The following TSC22D1 variants were observed in gnomAD, a reference collection of about 807,000 sequenced individuals.
TSC22D1 encodes the protein TSC22 domain family member 1.
In TSC22D1, 9 loss-of-function variants were observed where a neutral mutation model predicts 74.2. The observed-to-expected ratio is 0.12, with a 90% CI of 0.07 to 0.21. The LOEUF (loss-of-function observed/expected upper bound fraction) is 0.21. Among genes scored for constraint, TSC22D1 ranks in the 10% least tolerant of loss-of-function variants. The pLI, the probability that TSC22D1 is intolerant of heterozygous loss-of-function variation, is 1.00. For synonymous variants in TSC22D1, 586 were observed against 492.5 expected (o/e 1.19, Z -2.51); for missense variants, 1,427 against 1,304.7 (o/e 1.09, Z -1.44).
intron 1 of TSC22D1, among the ~76,000 whole-genome samples, chr13:44,563,227 AC>A (rs1036469921): frequency 5.3e-5 from 8 of 152,228 alleles, no homozygotes; most frequent in Admixed American, 1.3e-4. Context: ...TGGGGTTGTT[AC>A]CCCCTTTTTC....
intron 1 of TSC22D1, among the ~76,000 whole-genome samples, chr13:44,447,833 C>CTT (rs5803260): frequency 0.031 from 3,993 of 129,432 alleles, 121 homozygotes; most frequent in African/African-American, 0.058. Flanking sequence ...AATGCCTTTT[C>CTT]TTTTTTTTTT....
rs1263701536 is a variant in TSC22D1 at position 44,432,490 on chromosome 13, T to C, written c.*2136A>G. 1 of 152,246 alleles carries C rather than the reference T, an allele frequency of 6.6e-6. No homozygotes were observed. The highest frequency in any genetic ancestry group is 1.5e-5 in the Non-Finnish European group (1 of 68,048). The allele number at this position is 152,246 out of a possible 1,614,324, so 9.4% of individuals were successfully genotyped here. A position where few individuals can be genotyped will look rare whatever the true frequency, so the allele number is the denominator to read the frequency against. On this transcript the variant is annotated 3_prime_UTR_variant, in exon 3 of 3. Coordinates refer to ENST00000458659, the MANE Select transcript of TSC22D1 (RefSeq NM_183422.4). Reference sequence around the variant, plus strand: ...TATGAAAGATTTTTCTTTACGTCCTTTTCAAATTCCCCCAAAATATCTTTA... The same window carrying C: ...TATGAAAGATTTTTCTTTACGTCCTCTTCAAATTCCCCCAAAATATCTTTA...
chr13:44,492,609 C>T (rs770049084), intron 1 of TSC22D1, among the ~76,000 whole-genome samples: 3 of 152,000 alleles, frequency 2.0e-5, no homozygotes, highest in Non-Finnish European at 4.4e-5. Flanking sequence ...GCTTTGGAGT[C>T]TGCTTTGTTT....
At chr13:44,437,190 G>C in intron 1 of TSC22D1, 1 of 985,536 alleles carries the variant, frequency 1.0e-6, no homozygotes, top group South Asian at 4.7e-5. Flanking sequence ...AAGGGAGTCA[G>C]ACCCCGGTCC....
At chr13:44,435,854 G>T in intron 2 of TSC22D1, 190 bp downstream of exon 2, 1 of 642,986 alleles carries the variant, frequency 1.6e-6, no homozygotes, top group Non-Finnish European at 2.8e-6. Flanking sequence ...TACCCGCAGG[G>T]CCCCTTTCTC....
Position 44,492,844 on chromosome 13 carries a change from CA to C in TSC22D1, c.2913-56750del, listed in dbSNP as rs544851110. Reference sequence around the variant, plus strand: ...TTTACATGAATCCCATAACAAATGACAAAAAAAACTTCTTAAAATACATAAA... The same window carrying C: ...TTTACATGAATCCCATAACAAATGACAAAAAAACTTCTTAAAATACATAAA... On this transcript the variant is annotated intron_variant, in intron 1 of 2. Transcript: ENST00000458659. Among the ~76,000 whole-genome samples the C allele has an allele frequency of 2.5e-3, 376 of 151,636 alleles. 2 individuals are homozygous for C. The highest frequency in any genetic ancestry group is 8.6e-3 in the African/African-American group (356 of 41,342).
At chr13:44,536,415 T>C (rs899123158) in intron 1 of TSC22D1, among the ~76,000 whole-genome samples, 4 of 151,910 alleles carry the variant, frequency 2.6e-5, no homozygotes, top group African/African-American at 4.8e-5. Flanking sequence ...AGTAAAATTA[T>C]GTAGCTATAA....
intron 1 of TSC22D1, among the ~76,000 whole-genome samples, chr13:44,513,240 G>T (rs1228811309): frequency 6.6e-6 from 1 of 152,098 alleles, no homozygotes; most frequent in Non-Finnish European, 1.5e-5. Context: ...ATGAGAGAAG[G>T]GATTGTCTCT....
intron 1 of TSC22D1, among the ~76,000 whole-genome samples, chr13:44,453,319 C>A (rs145579039): frequency 6.6e-6 from 1 of 152,230 alleles, no homozygotes; most frequent in East Asian, 1.9e-4. Context: ...ATATGCATGA[C>A]TATTAGTGCA....
intron 1 of TSC22D1, among the ~76,000 whole-genome samples, chr13:44,462,331 G>A (rs1215673344): frequency 1.3e-5 from 2 of 152,128 alleles, no homozygotes; most frequent in Non-Finnish European, 2.9e-5. Flanking sequence ...GAAAGGTGCT[G>A]GACCATAGAA....
chr13:44,558,876 A>C (rs1383375763), intron 1 of TSC22D1, among the ~76,000 whole-genome samples: 1 of 152,240 alleles, frequency 6.6e-6, no homozygotes, highest in Non-Finnish European at 1.5e-5. Flanking sequence ...TAAGTTATCT[A>C]GGGTGAAATT....
In TSC22D1 at chr13:44,575,624, A is replaced by G. The variant is rs761149025; in HGVS notation, c.451T>C (p.Ser151Pro). ...LDESHTEDLS[S>P]SEILDVSLSR... ...AGTGACACATCAAGGATCTCCGAAG[A>G]AGAGAGATCTTCCGTGTGAGATTCA... The change falls in exon 1 of 3, where the codon TCT becomes CCT. Residue 151 changes from serine (S) to proline (P), a missense_variant. Transcript: ENST00000458659. 1.9e-6 allele frequency: 3 copies of G among 1,614,202 alleles called. No homozygotes were observed. Among genetic ancestry groups the G allele is most frequent in the East Asian group, 4.5e-5 (2 of 44,884 alleles).
At position 44,573,316 on chromosome 13, in the gene TSC22D1, G is replaced by A. The variant is rs1343366188; in HGVS notation, c.2759C>T (p.Ser920Phe). 5.0e-6 allele frequency: 8 copies of A among 1,614,124 alleles called. No individual in the cohort carries two copies. In the Admixed American group the frequency reaches 1.2e-4, roughly 24 times the overall value. Reference sequence around the variant, plus strand: ...GATAGTCTGAGGTAAGCCAACTAAGGAGGGCTCCGCTGCACGCCTGGCATC... The same window carrying A: ...GATAGTCTGAGGTAAGCCAACTAAGAAGGGCTCCGCTGCACGCCTGGCATC... ...IEDARRAAEP[S>F]LVGLPQTISG... The change falls in exon 1 of 3, where the codon TCC (serine) becomes TTC (phenylalanine). Residue 920 changes from serine (S) to phenylalanine (F), a missense_variant. Coordinates refer to ENST00000458659, the MANE Select transcript of TSC22D1 (RefSeq NM_183422.4).
intron 1 of TSC22D1, 85 bp from the exon 2 acceptor site, chr13:44,436,180 T>C (rs1314888932): frequency 7.1e-7 from 1 of 1,413,442 alleles, no homozygotes; most frequent in African/African-American, 1.5e-5. Context: ...AATTTTGTGA[T>C]ATTGCTAGCA....
rs1361782163 is a variant in TSC22D1, at chr13:44,565,659, T to G, written c.2912+7504A>C. Among the ~76,000 whole-genome samples the G allele has an allele frequency of 2.6e-5, 4 of 152,206 alleles. No homozygotes were observed. In the East Asian group the frequency reaches 5.8e-4, roughly 22 times the overall value. On this transcript the variant is annotated intron_variant, in intron 1 of 2. Transcript: ENST00000458659. ...AGACGGCAAAAACCAACCACCAAAG[T>G]TCTAATACTGCAGCATCAGAACAGG...
In TSC22D1 at chr13:44,575,565, G is replaced by A. The variant is rs1884162466; in HGVS notation, c.510C>T (p.Arg170=). ...TATTTAGGGTCTCTTCTGAGGAGCTGCGTTCGGGCTCCCCTAAGTCAGTAG... is the reference window on the plus strand; with the variant it reads ...TATTTAGGGTCTCTTCTGAGGAGCTACGTTCGGGCTCCCCTAAGTCAGTAG... ...SRATDLGEPE[R]SSSEETLNNF... The change falls in exon 1 of 3, where the codon CGC becomes CGT. Residue 170 remains arginine (R), a synonymous_variant. Coordinates refer to ENST00000458659, the MANE Select transcript of TSC22D1 (RefSeq NM_183422.4). 1.9e-6 allele frequency: 3 copies of A among 1,614,096 alleles called. No individual in the cohort carries two copies. Among genetic ancestry groups the A allele is most frequent in the South Asian group, 1.1e-5 (1 of 91,070 alleles).
chr13:44,444,600 C>A (rs961488779), intron 1 of TSC22D1, among the ~76,000 whole-genome samples: 5 of 151,754 alleles, frequency 3.3e-5, no homozygotes, highest in Non-Finnish European at 7.4e-5. Flanking sequence ...GATAAAAGGT[C>A]GATTTTATCA....
intron 1 of TSC22D1, among the ~76,000 whole-genome samples, chr13:44,496,412 G>C (rs998165937): frequency 3.3e-5 from 5 of 152,138 alleles, no homozygotes; most frequent in Non-Finnish European, 7.3e-5. Context: ...GCCGGGTGTG[G>C]TGGCTCACAC....
chr13:44,466,259 C>T (rs1235279258), intron 1 of TSC22D1, among the ~76,000 whole-genome samples: 1 of 152,112 alleles, frequency 6.6e-6, no homozygotes, highest in Non-Finnish European at 1.5e-5. Flanking sequence ...GAACTAGTAC[C>T]AGAGGGATTT....
Sources: gnomAD v4.1 joint callset for allele counts (sites outside exome capture counted in the v4.1 genomes callset) on GRCh38, gnomAD v4.1.1 for gene constraint, MANE v1.5 for transcripts, NCBI Gene and HGNC (gene_info 2026-07-23, HGNC 2026-07-21) for gene names.